ZC3H3: variants seen among roughly 807,000 people sequenced by gnomAD.
ZC3H3 encodes zinc finger CCCH-type containing 3.
In ZC3H3, 36 loss-of-function variants were observed where a neutral mutation model predicts 77.3. The observed-to-expected ratio is 0.47, with a 90% CI of 0.36 to 0.61. The LOEUF (loss-of-function observed/expected upper bound fraction) is 0.61, where lower values mean the gene tolerates loss of function less well. ZC3H3 is among the 20% of genes least tolerant of loss of function. ZC3H3 has a pLI of 0.00. For missense variants in ZC3H3, 1,331 were observed against 1,312.2 expected (o/e 1.01, Z -0.22); for synonymous variants, 626 against 555.2 (o/e 1.13, Z -1.79).
At chr8:143,500,444 C>T (rs1821490737) in intron 4 of ZC3H3, among the ~76,000 whole-genome samples, 2 of 152,254 alleles carry the variant, frequency 1.3e-5, no homozygotes, top group Non-Finnish European at 2.9e-5. Context: ...AGCATCTGCA[C>T]ACTGCCAGGA....
chr8:143,439,341 C>T (rs1237278821), intron 11 of ZC3H3, among the ~76,000 whole-genome samples: 4 of 152,172 alleles, frequency 2.6e-5, no homozygotes, highest in Non-Finnish European at 5.9e-5. Context: ...CTTCCATTAA[C>T]GTTACGACCG....
rs757777340 is a variant in ZC3H3 at position 143,538,824 on chromosome 8, C to T, written c.543G>A (p.Gly181=). ...LQPSRPTRAR[G]TCSVEDPLLV... is the part of the protein sequence containing the mutation. ...GAAGAGGATCTTCCACACTGCAGGT[C>T]CCCCTGGCTCTTGTTGGCCTCGAGG... The change falls in exon 2 of 12, where the codon GGG becomes GGA. Residue 181 remains glycine, a synonymous_variant. Transcript: ENST00000262577. The T allele has an allele frequency of 3.1e-6, 5 of 1,612,158 alleles. No individual in the cohort carries two copies. The highest frequency in any genetic ancestry group is 1.7e-4 in the Middle Eastern group (1 of 6,060).
intron 3 of ZC3H3, among the ~76,000 whole-genome samples, chr8:143,524,879 G>A (rs1157833670): frequency 1.3e-5 from 2 of 152,232 alleles, no homozygotes; most frequent in African/African-American, 4.8e-5. Flanking sequence ...ACCAACCAGT[G>A]GCAGAAGCTG....
chr8:143,521,756 C>G (rs1822249699), intron 3 of ZC3H3, among the ~76,000 whole-genome samples: 1 of 152,194 alleles, frequency 6.6e-6, no homozygotes, highest in African/African-American at 2.4e-5. Flanking sequence ...AGTCTGGGGC[C>G]CCCAGAAGGG....
rs1820303324 is a variant in ZC3H3, at chr8:143,462,901, A to C, written c.2307+2816T>G. Among the ~76,000 whole-genome samples the C allele has an allele frequency of 6.6e-6, 1 of 151,718 alleles. No individual in the cohort carries two copies. The highest frequency in any genetic ancestry group is 6.6e-5 in the Admixed American group (1 of 15,256). On this transcript the variant is annotated intron_variant, in intron 9 of 11. Transcript: ENST00000262577. This position sits in a 1 kb window ranked among gnomAD's most constrained non-coding sequence, Gnocchi z 4.7. ...ACGCAGCGCCCAGACCCTGAGTCCTAAACACACCCAGAAGGAACCAGGGCG... is the reference window on the plus strand; with the variant it reads ...ACGCAGCGCCCAGACCCTGAGTCCTCAACACACCCAGAAGGAACCAGGGCG...
intron 3 of ZC3H3, 35 bp from the exon 4 acceptor site, chr8:143,507,934 G>A (rs1821756716): frequency 3.9e-6 from 6 of 1,538,308 alleles, no homozygotes; most frequent in African/African-American, 1.4e-5. Flanking sequence ...ACATGGGTCA[G>A]GGAAGGCCGG....
chr8:143,480,697 G>A (rs183491396), intron 4 of ZC3H3, among the ~76,000 whole-genome samples: 1 of 152,328 alleles, frequency 6.6e-6, no homozygotes, highest in Non-Finnish European at 1.5e-5. Flanking sequence ...CCAGCCCTCT[G>A]AGCACCCGGG....
intron 4 of ZC3H3, among the ~76,000 whole-genome samples, chr8:143,485,902 C>A (rs946211872): frequency 6.6e-6 from 1 of 152,258 alleles, no homozygotes; most frequent in East Asian, 1.9e-4. Context: ...GGCCCCACAC[C>A]CCCCAGCATG....
chr8:143,474,141 G>A (rs755769859), intron 5 of ZC3H3, among the ~76,000 whole-genome samples: 12 of 152,054 alleles, frequency 7.9e-5, no homozygotes, highest in East Asian at 1.9e-4. Flanking sequence ...GAGACCACAC[G>A]CACAAATCAC....
At chr8:143,523,421 T>A in intron 3 of ZC3H3, 1 of 985,380 alleles carries the variant, frequency 1.0e-6, no homozygotes, top group Non-Finnish European at 1.2e-6. Flanking sequence ...CGGTGCCCTG[T>A]CTGGAAGGTG....
chr8:143,498,045 C>T (rs920874717), intron 4 of ZC3H3, among the ~76,000 whole-genome samples: 4 of 152,240 alleles, frequency 2.6e-5, no homozygotes, highest in African/African-American at 9.6e-5. Flanking sequence ...CCTCAACACA[C>T]ACCGGGTGAG....
rs149025999 is a variant in ZC3H3, at chr8:143,507,815, G to A, written c.1646C>T (p.Ser549Leu). The change falls in exon 4 of 12, where the codon TCG becomes TTG. Residue 549 changes from serine to leucine, a missense_variant. By Grantham distance (145) the Ser-to-Leu change is moderately radical. Around this residue, in one of 3 missense-constraint regions of ZC3H3, gnomAD observed 978 missense variants for 915.5 expected, o/e 1.07. Coordinates refer to ENST00000262577, the MANE Select transcript of ZC3H3 (RefSeq NM_015117.3). ...GGGGAAGGGCGGGGCGCTGAGAGGCGAGGCCGGCGTCTTCTTGACAATGCG... is the reference window on the plus strand; with the variant it reads ...GGGGAAGGGCGGGGCGCTGAGAGGCAAGGCCGGCGTCTTCTTGACAATGCG... ...RYRIVKKTPA[S>L]PLSAPPFPLS... is the part of the protein sequence containing the mutation. 6,836 of 1,607,956 alleles carry A rather than the reference G, an allele frequency of 4.3e-3. 21 individuals carry two copies. Among genetic ancestry groups the A allele is most frequent in the Middle Eastern group, 0.011 (66 of 5,968 alleles).
Position 143,538,308 on chromosome 8 carries a change from G to A in ZC3H3, c.1059C>T (p.Leu353=). The A allele has an allele frequency of 6.2e-7, 1 of 1,612,984 alleles. No individual in the cohort carries two copies. Among genetic ancestry groups the A allele is most frequent in the Non-Finnish European group, 8.5e-7 (1 of 1,180,034 alleles). ...GMANKVEKPQ[L]IADPEPKPRK... The stretch of plus-strand genomic sequence containing the variant: ...TGGGCTTGGGCTCTGGGTCAGCTAT[G>A]AGCTGCGGCTTCTCCACCTTGTTTG... The change falls in exon 2 of 12, where the codon CTC becomes CTT. Residue 353 remains leucine, a synonymous_variant. Transcript: ENST00000262577.
At chr8:143,473,828 G>A (rs533722617) in intron 5 of ZC3H3, among the ~76,000 whole-genome samples, 87 of 152,310 alleles carry the variant, frequency 5.7e-4, no homozygotes, top group African/African-American at 8.9e-4. Flanking sequence ...GCTGGTGGAC[G>A]GCCACAGGCG....
chr8:143,481,717 C>T (rs1031140761), intron 4 of ZC3H3, among the ~76,000 whole-genome samples: 1 of 152,258 alleles, frequency 6.6e-6, no homozygotes, highest in African/African-American at 2.4e-5. Flanking sequence ...GCCAATCCAG[C>T]TCCAGTCTTG....
chr8:143,440,827 G>A, intron 10 of ZC3H3, 109 bp downstream of exon 10: 1 of 1,196,980 alleles, frequency 8.4e-7, no homozygotes, highest in Non-Finnish European at 1.1e-6. Context: ...CTGGTCTGAG[G>A]CCCAAAGAGC....
In ZC3H3 at chr8:143,534,923, C is replaced by T. The variant is rs569904275; in HGVS notation, c.1561+1334G>A. ...CACCCGGCTGCATCGCCCCATTCAGCCCTCCACCTGGGACCCAACGCCCTG... is the reference window on the plus strand; with the variant it reads ...CACCCGGCTGCATCGCCCCATTCAGTCCTCCACCTGGGACCCAACGCCCTG... On this transcript the variant is annotated intron_variant, in intron 3 of 11. Transcript: ENST00000262577. Among the ~76,000 whole-genome samples, 20 of 152,226 alleles carry T rather than the reference C, an allele frequency of 1.3e-4. No homozygotes were observed. In the South Asian group the frequency reaches 3.9e-3, roughly 30 times the overall value.
chr8:143,442,410 G>C (rs1819766531), intron 9 of ZC3H3, among the ~76,000 whole-genome samples: 1 of 110,516 alleles, frequency 9.0e-6, no homozygotes, highest in African/African-American at 3.4e-5. Flanking sequence ...CGGGGGGGGT[G>C]GGGGGGCGGG....
At chr8:143,490,785 G>C (rs1047856633) in intron 4 of ZC3H3, among the ~76,000 whole-genome samples, 16 of 152,142 alleles carry the variant, frequency 1.1e-4, no homozygotes, top group Admixed American at 5.9e-4. Flanking sequence ...AGTGGTGGTA[G>C]GTGCCTGTAA....
Sources: allele counts gnomAD v4.1 joint callset (sites outside exome capture counted in the v4.1 genomes callset), GRCh38; gene constraint gnomAD v4.1.1; regional missense constraint gnomAD v4.1.1; non-coding constraint Gnocchi (gnomAD v3.1); transcripts MANE v1.5; gene names NCBI Gene and HGNC (gene_info 2026-07-23, HGNC 2026-07-21).